The following HDAC9 variants were observed in gnomAD, a reference collection of about 807,000 sequenced individuals.
HDAC9 encodes MEF-2 interacting transcription repressor (MITR) protein.
In HDAC9, 41 loss-of-function variants were observed where a neutral mutation model predicts 139.4. The ratio of observed to expected loss-of-function variants is 0.29; its 90% CI spans 0.23 to 0.38. HDAC9 has a LOEUF of 0.38. Ranked by LOEUF, HDAC9 falls within the 10% of genes least tolerant of loss-of-function variation. HDAC9 has a pLI of 1.00. For synonymous variants in HDAC9, 517 were observed against 476.2 expected (o/e 1.09, Z -1.12); for missense variants, 1,147 against 1,297.0 (o/e 0.88, Z 1.78).
At chr7:18,107,327 A>G (rs567368226) in intron 1 of HDAC9, among the ~76,000 whole-genome samples, 1 of 152,286 alleles carries the variant, frequency 6.6e-6, no homozygotes, top group African/African-American at 2.4e-5. Context: ...AATTCCAGTA[A>G]TTCTCCATAG....
At position 18,975,916 on chromosome 7, in the gene HDAC9, G is replaced by A. The variant is rs756364439; in HGVS notation, c.3133G>A (p.Val1045Met). ...ETVSALASLT[V>M]DVEQPFAQED... ...CGTTTCTGCCCTGGCCTCCCTAACA[G>A]TGGATGTGGAACAGCCCTTTGCTCA... The change falls in exon 25 of 26, where the codon GTG becomes ATG. Residue 1045 changes from valine (V) to methionine (M), a missense_variant. This residue lies in a region of HDAC9 where 407 missense variants were observed against 521.5 expected (regional missense o/e 0.78). Coordinates refer to ENST00000686413, the MANE Select transcript of HDAC9 (RefSeq NM_178425.4). 4.3e-6 allele frequency: 7 copies of A among 1,613,904 alleles called. 2 individuals are homozygous for A. In the South Asian group the frequency reaches 6.6e-5, roughly 15 times the overall value.
At chr7:18,646,870 A>G (rs1470773223) in intron 9 of HDAC9, among the ~76,000 whole-genome samples, 1 of 152,084 alleles carries the variant, frequency 6.6e-6, no homozygotes, top group East Asian at 1.9e-4. Flanking sequence ...TCTTAATAGC[A>G]TTTTTTGTAG....
intron 25 of HDAC9, among the ~76,000 whole-genome samples, chr7:18,981,788 T>C (rs1784967990): frequency 6.6e-6 from 1 of 152,108 alleles, no homozygotes; most frequent in African/African-American, 2.4e-5. Flanking sequence ...AACTACAAAA[T>C]CACTTTTGCC....
chr7:18,878,072 T>C (rs777377770), intron 22 of HDAC9, among the ~76,000 whole-genome samples: 1 of 152,172 alleles, frequency 6.6e-6, no homozygotes, highest in Non-Finnish European at 1.5e-5. Flanking sequence ...GATTCAGATA[T>C]AGTTGTCTTC....
intron 22 of HDAC9, among the ~76,000 whole-genome samples, chr7:18,930,606 A>T (rs1477734142): frequency 7.5e-6 from 1 of 133,202 alleles, no homozygotes; most frequent in Non-Finnish European, 1.7e-5. Context: ...AGCAGAATTC[A>T]GGATAATAAA....
intron 1 of HDAC9, among the ~76,000 whole-genome samples, chr7:18,427,387 T>C (rs1790214260): frequency 6.6e-6 from 1 of 151,724 alleles, no homozygotes; most frequent in East Asian, 1.9e-4. Flanking sequence ...ATGTTAGGTC[T>C]CCTTGCTTGC....
intron 2 of HDAC9, among the ~76,000 whole-genome samples, chr7:18,250,243 A>G (rs1014105519): frequency 6.6e-6 from 1 of 152,276 alleles, no homozygotes; most frequent in African/African-American, 2.4e-5. Flanking sequence ...TTTAGAGGCA[A>G]CATCTAAAAC....
chr7:18,547,857 T>TTCCTTCCTTCCTCCCC (rs1563229989), intron 2 of HDAC9, among the ~76,000 whole-genome samples: 2 of 118,458 alleles, frequency 1.7e-5, no homozygotes, highest in African/African-American at 7.9e-5. Context: ...CCTTCCTTCC[T>TTCCTTCCTTCCTCCCC]ACCCTCCCTC....
rs569853618 is a variant in HDAC9 at position 18,732,817 on chromosome 7, G to A, written c.1909+5060G>A. The stretch of plus-strand genomic sequence containing the variant: ...TTTGTGTGCGTATGTGTACACACAC[G>A]TGTGTATGTGTGCGTATGTGTACAC... On this transcript the variant is annotated intron_variant, in intron 13 of 25. Transcript: ENST00000686413. Among the ~76,000 whole-genome samples the A allele has an allele frequency of 1.2e-4, 10 of 86,034 alleles. 2 individuals are homozygous for A. Among genetic ancestry groups the A allele is most frequent in the Admixed American group, 2.1e-4 (2 of 9,440 alleles). The allele number at this position is 86,034 out of a possible 152,430, so 56.4% of individuals were successfully genotyped here. A position where few individuals can be genotyped will look rare whatever the true frequency, so the allele number is the denominator to read the frequency against.
intron 2 of HDAC9, among the ~76,000 whole-genome samples, chr7:18,524,123 G>T (rs1445248098): frequency 6.6e-6 from 1 of 152,112 alleles, no homozygotes; most frequent in African/African-American, 2.4e-5. Context: ...CTCAAGTATG[G>T]AAGGTATATA....
intron 14 of HDAC9, among the ~76,000 whole-genome samples, chr7:18,755,651 A>G (rs1459080445): frequency 6.6e-6 from 1 of 152,014 alleles, no homozygotes; most frequent in African/African-American, 2.4e-5. Context: ...AAGGGATAAC[A>G]TTTTTTTCTT....
intron 1 of HDAC9, among the ~76,000 whole-genome samples, chr7:18,470,976 G>A (rs1157498450): frequency 6.6e-6 from 1 of 151,476 alleles, no homozygotes; most frequent in Non-Finnish European, 1.5e-5. Context: ...TATTGCTAGG[G>A]GATTTTTCAT....
At chr7:18,466,766 AGG>A (rs758856247) in intron 1 of HDAC9, among the ~76,000 whole-genome samples, 1 of 152,162 alleles carries the variant, frequency 6.6e-6, no homozygotes, top group Non-Finnish European at 1.5e-5. Flanking sequence ...AAGTAAGACT[AGG>A]GGGGTGAAAA....
At chr7:18,503,139 G>A (rs1798835130) in intron 2 of HDAC9, among the ~76,000 whole-genome samples, 1 of 152,128 alleles carries the variant, frequency 6.6e-6, no homozygotes, top group African/African-American at 2.4e-5. Flanking sequence ...TAGAAAAGAA[G>A]CTTTCAAGAA....
chr7:18,666,546 G>A (rs752011402), intron 12 of HDAC9, 70 bp downstream of exon 12: 34 of 1,554,242 alleles, frequency 2.2e-5, no homozygotes, highest in Middle Eastern at 1.7e-4. Flanking sequence ...TGCATTGCAG[G>A]TTTGGTAAAT....
chr7:18,565,183 A>G (rs1213173711), intron 2 of HDAC9, among the ~76,000 whole-genome samples: 1 of 152,028 alleles, frequency 6.6e-6, no homozygotes, highest in Admixed American at 6.6e-5. Context: ...TTTAGTACAG[A>G]CGGGGTTTCT....
chr7:18,738,182 C>T (rs1410216471), intron 13 of HDAC9, among the ~76,000 whole-genome samples: 2 of 152,020 alleles, frequency 1.3e-5, no homozygotes, highest in East Asian at 1.9e-4. Flanking sequence ...CTCCTGAATA[C>T]AGCACACTGA....
At chr7:18,139,737 G>A (rs1461528069) in intron 1 of HDAC9, among the ~76,000 whole-genome samples, 3 of 152,116 alleles carry the variant, frequency 2.0e-5, no homozygotes, top group African/African-American at 7.2e-5. Context: ...GTATTGTCCA[G>A]GTGGGCCCTA....
intron 12 of HDAC9, among the ~76,000 whole-genome samples, chr7:18,672,604 A>G (rs1795733702): frequency 6.6e-6 from 1 of 151,992 alleles, no homozygotes; most frequent in Admixed American, 6.6e-5. Context: ...TGCTCTTGGT[A>G]TCATATTTTA....
Sources: allele counts gnomAD v4.1 joint callset (sites outside exome capture counted in the v4.1 genomes callset), GRCh38; gene constraint gnomAD v4.1.1; regional missense constraint gnomAD v4.1.1; transcripts MANE v1.5; gene names NCBI Gene and HGNC (gene_info 2026-07-23, HGNC 2026-07-21).